PELI2: variants seen among roughly 807,000 people sequenced by gnomAD.
PELI2 encodes the protein E3 ubiquitin-protein ligase pellino homolog 2.
Under a neutral mutation model 42.3 loss-of-function variants are expected in PELI2, and 23 were observed. The ratio of observed to expected loss-of-function variants is 0.54; its 90% confidence interval spans 0.39 to 0.77. The LOEUF is 0.77. Ranked by LOEUF, PELI2 falls within the 30% of genes least tolerant of loss-of-function variation. PELI2 has a pLI of 0.00. For missense variants in PELI2, 463 were observed against 553.2 expected (o/e 0.84, Z 1.64); for synonymous variants, 245 against 212.2 (o/e 1.15, Z -1.34).
chr14:56,290,267 G>C lies in PELI2; in HGVS notation c.508-1G>C. ...TTTCTGTTCTGCTGTGTTCTCTCCAGGAAAAGGCAGCAAAGTGGAAAAACC... is the reference window on the plus strand; with the variant it reads ...TTTCTGTTCTGCTGTGTTCTCTCCACGAAAAGGCAGCAAAGTGGAAAAACC... On this transcript the variant is annotated splice_acceptor_variant, in intron 4 of 5. Transcript: ENST00000267460. LOFTEE classifies it high-confidence loss of function. The C allele has an allele frequency of 1.3e-6, 2 of 1,583,504 alleles. No homozygotes were observed. The highest frequency in any genetic ancestry group is 1.7e-6 in the Non-Finnish European group (2 of 1,160,696).
At chr14:56,171,711 C>A (rs1365859670) in intron 1 of PELI2, among the ~76,000 whole-genome samples, 1 of 152,072 alleles carries the variant, frequency 6.6e-6, no homozygotes, top group Non-Finnish European at 1.5e-5. Context: ...TGACAGTGTT[C>A]CACTTAAAAT....
At chr14:56,168,842 G>A (rs1179390538) in intron 1 of PELI2, among the ~76,000 whole-genome samples, 1 of 152,070 alleles carries the variant, frequency 6.6e-6, no homozygotes, top group Non-Finnish European at 1.5e-5. Context: ...TAGTACCTGG[G>A]TATCACTGCT....
At chr14:56,146,714 C>T (rs1333376423) in intron 1 of PELI2, among the ~76,000 whole-genome samples, 4 of 151,846 alleles carry the variant, frequency 2.6e-5, no homozygotes, top group East Asian at 1.9e-4. Flanking sequence ...GTCTTCATTA[C>T]GGAATTATTA....
chr14:56,213,526 G>C (rs1422876042), intron 2 of PELI2, among the ~76,000 whole-genome samples: 1 of 152,196 alleles, frequency 6.6e-6, no homozygotes, highest in Non-Finnish European at 1.5e-5. Flanking sequence ...CTGAGAATAA[G>C]TAGAAAAAGA....
intron 2 of PELI2, among the ~76,000 whole-genome samples, chr14:56,188,952 G>C (rs1253225582): frequency 1.3e-5 from 2 of 152,100 alleles, no homozygotes; most frequent in Admixed American, 1.3e-4. Flanking sequence ...CTGAGGTCAG[G>C]AGTTCGAGAC....
chr14:56,281,292 A>G (rs140712727), intron 3 of PELI2, among the ~76,000 whole-genome samples: 166 of 152,298 alleles, frequency 1.1e-3, no homozygotes, highest in African/African-American at 3.9e-3. Context: ...GGTAAGAATG[A>G]TTACAGTATG....
At chr14:56,280,544 A>T (rs917171989) in intron 3 of PELI2, among the ~76,000 whole-genome samples, 1 of 152,128 alleles carries the variant, frequency 6.6e-6, no homozygotes, top group Admixed American at 6.6e-5. Context: ...GCATTTCCAT[A>T]TGGAGAGTTA....
At chr14:56,277,061 T>A (rs924211808) in intron 2 of PELI2, among the ~76,000 whole-genome samples, 12 of 152,164 alleles carry the variant, frequency 7.9e-5, no homozygotes, top group African/African-American at 2.4e-5. Context: ...TTACAATAAT[T>A]TGTGTCCAGT....
intron 2 of PELI2, among the ~76,000 whole-genome samples, chr14:56,256,821 C>T (rs528193223): frequency 1.3e-5 from 2 of 152,114 alleles, no homozygotes; most frequent in African/African-American, 4.8e-5. Flanking sequence ...TAGGTTACAC[C>T]TTTTAAAGTG....
chr14:56,230,941 A>G (rs1207282218), intron 2 of PELI2, among the ~76,000 whole-genome samples: 2 of 152,184 alleles, frequency 1.3e-5, no homozygotes, highest in East Asian at 3.9e-4. Flanking sequence ...ACAAAACAAA[A>G]GGCAGGGGTT....
intron 1 of PELI2, among the ~76,000 whole-genome samples, chr14:56,152,161 C>T (rs568279357): frequency 3.9e-5 from 6 of 152,304 alleles, no homozygotes; most frequent in South Asian, 2.1e-4. Context: ...CAAACCATTA[C>T]GTGGCCACAT....
intron 1 of PELI2, among the ~76,000 whole-genome samples, chr14:56,149,722 T>C (rs1241893603): frequency 6.6e-6 from 1 of 152,192 alleles, no homozygotes; most frequent in Non-Finnish European, 1.5e-5. Context: ...TATCTCACTT[T>C]GCAGCATCTC....
At chr14:56,217,701 G>C (rs1375767500) in intron 2 of PELI2, among the ~76,000 whole-genome samples, 1 of 152,174 alleles carries the variant, frequency 6.6e-6, no homozygotes, top group East Asian at 1.9e-4. Flanking sequence ...ATAGAAAAAG[G>C]CAGTTTATTT....
At chr14:56,278,916 G>A (rs987154942) in intron 2 of PELI2, among the ~76,000 whole-genome samples, 4 of 152,038 alleles carry the variant, frequency 2.6e-5, no homozygotes, top group East Asian at 1.9e-4. Flanking sequence ...ACTTTATATC[G>A]ATTTATTTGT....
At chr14:56,194,736 C>T (rs978958029) in intron 2 of PELI2, among the ~76,000 whole-genome samples, 6 of 152,194 alleles carry the variant, frequency 3.9e-5, no homozygotes, top group Admixed American at 2.6e-4. Flanking sequence ...GGCAGCCCCA[C>T]GTCCAGAGAC....
intron 2 of PELI2, among the ~76,000 whole-genome samples, chr14:56,225,257 C>T (rs1887303689): frequency 6.6e-6 from 1 of 152,120 alleles, no homozygotes; most frequent in Non-Finnish European, 1.5e-5. Context: ...GGGCATCAGG[C>T]TGCTGTTAGG....
At chr14:56,150,966 A>C (rs1283458367) in intron 1 of PELI2, among the ~76,000 whole-genome samples, 1 of 152,226 alleles carries the variant, frequency 6.6e-6, no homozygotes. Context: ...AGAAGACTGA[A>C]GTTTAAGGGA....
At chr14:56,195,487 G>A (rs951692644) in intron 2 of PELI2, among the ~76,000 whole-genome samples, 1 of 152,164 alleles carries the variant, frequency 6.6e-6, no homozygotes, top group Non-Finnish European at 1.5e-5. Flanking sequence ...TCTGTCCACC[G>A]AGGCAGTTCT....
At chr14:56,265,176 G>A (rs1460464457) in intron 2 of PELI2, among the ~76,000 whole-genome samples, 1 of 152,028 alleles carries the variant, frequency 6.6e-6, no homozygotes, top group Non-Finnish European at 1.5e-5. Flanking sequence ...ACCTAAAATT[G>A]CCAAAACTGC....
Sources: gnomAD v4.1 joint callset for allele counts (sites outside exome capture counted in the v4.1 genomes callset) on GRCh38, gnomAD v4.1.1 for gene constraint, MANE v1.5 for transcripts, NCBI Gene and HGNC (gene_info 2026-07-23, HGNC 2026-07-21) for gene names.